The following PCGF5 variants were observed in gnomAD, a reference collection of about 807,000 sequenced individuals.
The protein encoded by PCGF5 is polycomb group ring finger 5.
PCGF5 carries 9 observed loss-of-function variants against 44.3 expected under a neutral mutation model. The ratio of observed to expected loss-of-function variants is 0.20; its 90% CI spans 0.12 to 0.35. PCGF5 has a LOEUF of 0.35. PCGF5 is among the 10% of genes least tolerant of loss of function. The pLI, the probability that PCGF5 is intolerant of heterozygous loss-of-function variation, is 1.00. For synonymous variants in PCGF5, 95 were observed against 102.5 expected (o/e 0.93, Z 0.44); for missense variants, 146 against 305.3 (o/e 0.48, Z 3.89).
chr10:91,208,653 A>G (rs1844392602), intron 1 of PCGF5, among the ~76,000 whole-genome samples: 1 of 152,208 alleles, frequency 6.6e-6, no homozygotes, highest in African/African-American at 2.4e-5. Context: ...GAACTCTGGT[A>G]GGCATAGGGG....
intron 1 of PCGF5, among the ~76,000 whole-genome samples, chr10:91,183,725 A>G (rs1667012426): frequency 6.6e-6 from 1 of 152,008 alleles, no homozygotes; most frequent in African/African-American, 2.4e-5. Flanking sequence ...TGCCATATGT[A>G]GTGTGTCCTT....
At chr10:91,160,105 C>T (rs760733330), upstream of PCGF5, among the ~76,000 whole-genome samples, 5 of 152,142 alleles carry the variant, frequency 3.3e-5, no homozygotes, top group African/African-American at 7.2e-5. Context: ...TTTCAGTCAA[C>T]GTAAACCACA....
chr10:91,180,336 G>C (rs913671954), intron 1 of PCGF5, among the ~76,000 whole-genome samples: 3 of 152,106 alleles, frequency 2.0e-5, no homozygotes, highest in Non-Finnish European at 4.4e-5. Flanking sequence ...CTGTACAGAA[G>C]CTCTTTAGTT....
intron 1 of PCGF5, among the ~76,000 whole-genome samples, chr10:91,164,194 G>C (rs1458439110): frequency 1.3e-5 from 2 of 152,226 alleles, no homozygotes; most frequent in Non-Finnish European, 2.9e-5. Context: ...GAGGGGCGGG[G>C]AAGACTTAGT....
chr10:91,271,207 C>T (rs1846173525), intron 8 of PCGF5, among the ~76,000 whole-genome samples: 1 of 151,954 alleles, frequency 6.6e-6, no homozygotes, highest in Admixed American at 6.6e-5. Flanking sequence ...AGCGGAGTTC[C>T]ACGTCCCTCC....
intron 1 of PCGF5, among the ~76,000 whole-genome samples, chr10:91,177,342 A>G (rs1283475068): frequency 1.3e-5 from 2 of 152,084 alleles, no homozygotes; most frequent in African/African-American, 4.8e-5. Context: ...CAGTTAGGCT[A>G]CTCGGGGGTC....
chr10:91,257,116 A>C (rs1230761114), intron 6 of PCGF5, among the ~76,000 whole-genome samples: 2 of 152,104 alleles, frequency 1.3e-5, no homozygotes, highest in Non-Finnish European at 1.5e-5. Flanking sequence ...TCAACAATAA[A>C]AAGATGGCCC....
chr10:91,184,171 A>G (rs1291960008), intron 1 of PCGF5, among the ~76,000 whole-genome samples: 1 of 152,052 alleles, frequency 6.6e-6, no homozygotes, highest in Admixed American at 6.6e-5. Context: ...AATTGGTTCC[A>G]TTCTCCTCAT....
chr10:91,252,039 G>A (rs1845634273), intron 6 of PCGF5, among the ~76,000 whole-genome samples: 1 of 151,856 alleles, frequency 6.6e-6, no homozygotes, highest in Admixed American at 6.6e-5. Flanking sequence ...ATCTTTATAG[G>A]AAGTTTAAAA....
chr10:91,261,536 G>T (rs2133415001), intron 7 of PCGF5, 112 bp downstream of exon 7: 1 of 1,226,930 alleles, frequency 8.2e-7, no homozygotes, highest in Non-Finnish European at 1.0e-6. Flanking sequence ...TGGAAACTTT[G>T]ATTATTTTTG....
intron 2 of PCGF5, among the ~76,000 whole-genome samples, chr10:91,237,167 AAAGAT>A (rs1474875346): frequency 6.6e-6 from 1 of 152,226 alleles, no homozygotes; most frequent in Non-Finnish European, 1.5e-5. Flanking sequence ...GGAATGTAGT[AAAGAT>A]TAGATTATTA....
intron 8 of PCGF5, among the ~76,000 whole-genome samples, chr10:91,267,742 G>A (rs1306830709): frequency 6.6e-6 from 1 of 152,134 alleles, no homozygotes; most frequent in South Asian, 2.1e-4. Context: ...AGCTCCTGTA[G>A]CATATTGTTG....
intron 2 of PCGF5, among the ~76,000 whole-genome samples, chr10:91,229,548 A>G (rs766889534): frequency 3.9e-5 from 6 of 152,148 alleles, no homozygotes; most frequent in African/African-American, 1.2e-4. Flanking sequence ...GTACATCTAC[A>G]TAATATATGT....
chr10:91,277,052 T>C (rs1321417300), intron 9 of PCGF5, among the ~76,000 whole-genome samples: 1 of 152,230 alleles, frequency 6.6e-6, no homozygotes, highest in Non-Finnish European at 1.5e-5. Context: ...CCTGAGAGAC[T>C]GTCTTGAGAC....
chr10:91,241,669 T>TA lies in PCGF5; in HGVS notation c.209+1103dup, dbSNP rs77659464. Among the ~76,000 whole-genome samples, 432 of 139,406 alleles carry TA rather than the reference T, an allele frequency of 3.1e-3. 2 individuals carry two copies. The highest frequency in any genetic ancestry group is 3.7e-3 in the Non-Finnish European group (237 of 63,756). 91.5% of individuals were successfully genotyped at this position (139,406 alleles called of 152,430 possible). On this transcript the variant is annotated intron_variant, in intron 3 of 9. Transcript: ENST00000336126. ...GTTAGCTTTTTAGTACTTTTGAACT[T>TA]AAAAAAAAAAAAAAGAAGCTACTCA...
At chr10:91,239,784 CTT>C (rs1330623718) in intron 2 of PCGF5, among the ~76,000 whole-genome samples, 1 of 152,148 alleles carries the variant, frequency 6.6e-6, no homozygotes, top group Non-Finnish European at 1.5e-5. Flanking sequence ...GCTGTATAGG[CTT>C]GTGGCCCCAA....
chr10:91,276,756 A>T (rs927363317), intron 9 of PCGF5, among the ~76,000 whole-genome samples: 2 of 152,192 alleles, frequency 1.3e-5, no homozygotes, highest in African/African-American at 4.8e-5. Flanking sequence ...TGAGTGGCTT[A>T]TGTATTTGCA....
intron 1 of PCGF5, among the ~76,000 whole-genome samples, chr10:91,179,255 G>C (rs11186488): frequency 0.091 from 13,841 of 152,168 alleles, 1,056 homozygotes; most frequent in African/African-American, 0.2. Context: ...AAGCAAGGGA[G>C]AGACATGGGA....
intron 8 of PCGF5, 78 bp downstream of exon 8, chr10:91,264,598 A>T: frequency 9.1e-7 from 1 of 1,102,388 alleles, no homozygotes; most frequent in Non-Finnish European, 1.3e-6. Flanking sequence ...AATATTAGAA[A>T]CTAAAAAAGA....
Sources: gnomAD v4.1 joint callset for allele counts (sites outside exome capture counted in the v4.1 genomes callset) on GRCh38, gnomAD v4.1.1 for gene constraint, MANE v1.5 for transcripts, NCBI Gene and HGNC (gene_info 2026-07-23, HGNC 2026-07-21) for gene names.